Variants in IGF2BP3 observed in about 807,000 individuals in gnomAD.
The protein encoded by IGF2BP3 is insulin-like growth factor 2 mRNA-binding protein 3.
IGF2BP3 carries 9 observed loss-of-function variants against 73.8 expected under a neutral mutation model. The observed-to-expected ratio is 0.12, with a 90% CI of 0.07 to 0.21. IGF2BP3 has a LOEUF of 0.21. Among genes scored for constraint, IGF2BP3 ranks in the 10% least tolerant of loss-of-function variants. The pLI, the probability that IGF2BP3 is intolerant of heterozygous loss-of-function variation, is 1.00. For missense variants in IGF2BP3, 542 were observed against 714.0 expected, an observed-to-expected ratio of 0.76 and a Z score of 2.75; for synonymous variants, 258 against 256.7, an observed-to-expected ratio of 1.01 and a Z score of -0.05.
chr7:23,321,511 T>C (rs1562669864), intron 10 of IGF2BP3, among the ~76,000 whole-genome samples: 1 of 152,154 alleles, frequency 6.6e-6, no homozygotes, highest in Non-Finnish European at 1.5e-5. Context: ...TGCCCGCCAT[T>C]GCCCAGGCTT....
At chr7:23,348,616 T>A (rs1784888768) in intron 6 of IGF2BP3, among the ~76,000 whole-genome samples, 1 of 152,172 alleles carries the variant, frequency 6.6e-6, no homozygotes, top group African/African-American at 2.4e-5. Flanking sequence ...GCCAGATTCT[T>A]TGTTGTGGAT....
At chr7:23,340,849 C>CTTTTTT (rs551566879) in intron 10 of IGF2BP3, among the ~76,000 whole-genome samples, 2 of 139,378 alleles carry the variant, frequency 1.4e-5, no homozygotes, top group Admixed American at 7.2e-5. Flanking sequence ...TTTTCTTTTT[C>CTTTTTT]TTTTTTTTTT....
At chr7:23,389,814 C>T (rs1044720412) in intron 3 of IGF2BP3, among the ~76,000 whole-genome samples, 16 of 136,890 alleles carry the variant, frequency 1.2e-4, no homozygotes, top group South Asian at 1.1e-3. Flanking sequence ...GGCAACATAG[C>T]GAGATCCCTT....
At chr7:23,403,494 G>C (rs1397668705) in intron 3 of IGF2BP3, among the ~76,000 whole-genome samples, 1 of 152,042 alleles carries the variant, frequency 6.6e-6, no homozygotes, top group Non-Finnish European at 1.5e-5. Context: ...ATTGTAATTG[G>C]AACATTACAT....
chr7:23,453,920 G>C (rs1018254754), intron 2 of IGF2BP3, among the ~76,000 whole-genome samples: 1 of 152,118 alleles, frequency 6.6e-6, no homozygotes, highest in African/African-American at 2.4e-5. Flanking sequence ...GTGCAAACCT[G>C]GGCTCAAGCC....
intron 2 of IGF2BP3, among the ~76,000 whole-genome samples, chr7:23,454,508 G>A (rs903526160): frequency 5.3e-5 from 8 of 152,290 alleles, no homozygotes; most frequent in Middle Eastern, 6.8e-3. Flanking sequence ...TTATTAGTGA[G>A]ACAATATCAC....
chr7:23,436,399 C>G (rs1269070326), intron 2 of IGF2BP3, among the ~76,000 whole-genome samples: 1 of 152,122 alleles, frequency 6.6e-6, no homozygotes, highest in Non-Finnish European at 1.5e-5. Flanking sequence ...AGAGATGAAT[C>G]AAAGCCAGTC....
chr7:23,418,137 A>G (rs561694653), intron 3 of IGF2BP3, among the ~76,000 whole-genome samples: 23 of 152,312 alleles, frequency 1.5e-4, no homozygotes. Context: ...AGAGATACAT[A>G]AAAGCTAAGC....
chr7:23,373,949 C>T (rs573791413), intron 3 of IGF2BP3, among the ~76,000 whole-genome samples: 4 of 152,324 alleles, frequency 2.6e-5, no homozygotes, highest in Admixed American at 1.3e-4. Context: ...CATGCCCACT[C>T]CCCTCTACCT....
At position 23,390,177 on chromosome 7, in the gene IGF2BP3, A is replaced by C. The variant is rs186513455; in HGVS notation, c.286-28436T>G. Among the ~76,000 whole-genome samples, 3 of 152,312 alleles carry C rather than the reference A, an allele frequency of 2.0e-5. No homozygotes were observed. In the East Asian group the frequency reaches 5.8e-4, roughly 29 times the overall value. ...TATAAAGCAACATAGAATTTCTATAAAAGTTTTGTTAATATCAAATAGCCT... is the reference window on the plus strand; with the variant it reads ...TATAAAGCAACATAGAATTTCTATACAAGTTTTGTTAATATCAAATAGCCT... On this transcript the variant is annotated intron_variant, in intron 3 of 14. Transcript: ENST00000258729.
chr7:23,388,546 A>AG (rs1786162159), intron 3 of IGF2BP3, among the ~76,000 whole-genome samples: 1 of 152,038 alleles, frequency 6.6e-6, no homozygotes, highest in African/African-American at 2.4e-5. Flanking sequence ...ATCGGTTTCA[A>AG]GGGGAACAGA....
intron 12 of IGF2BP3, among the ~76,000 whole-genome samples, chr7:23,314,862 G>A (rs156417): frequency 0.11 from 16,080 of 152,066 alleles, 1,736 homozygotes; most frequent in African/African-American, 0.28. Flanking sequence ...CAATGGCATG[G>A]TTTCGGCTTA....
In IGF2BP3 at chr7:23,331,254, T is replaced by A. The variant is rs541426895; in HGVS notation, c.1203+10810A>T. Among the ~76,000 whole-genome samples the A allele has an allele frequency of 1.7e-4, 26 of 152,362 alleles. 1 individual carries two copies. The highest frequency in any genetic ancestry group is 5.5e-4 in the African/African-American group (23 of 41,588). On this transcript the variant is annotated intron_variant, in intron 10 of 14. Coordinates refer to ENST00000258729, the MANE Select transcript of IGF2BP3 (RefSeq NM_006547.3). ...CTGTCAATTTTAAAAGTTTGTGCTCTTTGACTTAGAAGTTCTATTACATAA... is the reference window on the plus strand; with the variant it reads ...CTGTCAATTTTAAAAGTTTGTGCTCATTGACTTAGAAGTTCTATTACATAA...
chr7:23,316,316 G>T (rs1159490925), intron 12 of IGF2BP3, among the ~76,000 whole-genome samples: 1 of 152,138 alleles, frequency 6.6e-6, no homozygotes, highest in Non-Finnish European at 1.5e-5. Context: ...TTTGATTTAA[G>T]GGAGAGAGGT....
intron 2 of IGF2BP3, among the ~76,000 whole-genome samples, chr7:23,436,438 A>C (rs985603171): frequency 6.6e-6 from 1 of 152,184 alleles, no homozygotes; most frequent in African/African-American, 2.4e-5. Flanking sequence ...AAGCTAGGTG[A>C]TCAGTATAGG....
chr7:23,462,639 G>A (rs1410550868), intron 2 of IGF2BP3, among the ~76,000 whole-genome samples: 2 of 152,152 alleles, frequency 1.3e-5, no homozygotes, highest in Non-Finnish European at 2.9e-5. Flanking sequence ...TGGGATTACA[G>A]GTGTGAGCCA....
chr7:23,343,434 G>A (rs1418295072), intron 9 of IGF2BP3, among the ~76,000 whole-genome samples: 1 of 152,168 alleles, frequency 6.6e-6, no homozygotes, highest in Non-Finnish European at 1.5e-5. Flanking sequence ...AACATTGTAA[G>A]AGAGGTACTA....
chr7:23,395,537 G>A (rs1354716596), intron 3 of IGF2BP3, among the ~76,000 whole-genome samples: 1 of 152,138 alleles, frequency 6.6e-6, no homozygotes, highest in Non-Finnish European at 1.5e-5. Flanking sequence ...TGAGGTGGGA[G>A]GACAGCTTGA....
chr7:23,448,377 C>A (rs577797662), intron 2 of IGF2BP3, among the ~76,000 whole-genome samples: 2 of 152,162 alleles, frequency 1.3e-5, no homozygotes, highest in Non-Finnish European at 2.9e-5. Context: ...TTGTTTTCAG[C>A]AGTCCTTAAC....
Sources: gnomAD v4.1 joint callset for allele counts (sites outside exome capture counted in the v4.1 genomes callset) on GRCh38, gnomAD v4.1.1 for gene constraint, MANE v1.5 for transcripts, NCBI Gene and HGNC (gene_info 2026-07-23, HGNC 2026-07-21) for gene names.